The following BCKDHA variants were observed in gnomAD, a reference collection of about 807,000 sequenced individuals.
BCKDHA encodes branched chain keto acid dehydrogenase E1 subunit alpha, also known as 2-oxoisovalerate dehydrogenase subunit alpha, mitochondrial.
A neutral mutation model predicts 52.2 loss-of-function variants in BCKDHA; 43 were observed. The ratio of observed to expected loss-of-function variants is 0.82; its 90% confidence interval spans 0.64 to 1.06. The LOEUF is 1.06. BCKDHA is among the 50% of genes least tolerant of loss of function. The probability of loss-of-function intolerance (pLI) is 0.00; values close to 1 mark genes in which losing one functional copy is unlikely to be tolerated. For missense variants in BCKDHA, 527 were observed against 621.3 expected (o/e 0.85, Z 1.61); for synonymous variants, 234 against 247.9 (o/e 0.94, Z 0.53).
At chr19:41,405,949 C>G (rs568549285) in intron 1 of BCKDHA, among the ~76,000 whole-genome samples, 1 of 152,140 alleles carries the variant, frequency 6.6e-6, no homozygotes, top group African/African-American at 2.4e-5. Context: ...CACTGGCCAC[C>G]GGGACAGACT....
At chr19:41,398,056 G>T (rs1599945435) in intron 1 of BCKDHA, 121 bp downstream of exon 1, 1 of 800,024 alleles carries the variant, frequency 1.2e-6, no homozygotes, top group East Asian at 2.7e-5. Flanking sequence ...AAAAAGAGTG[G>T]GAGACTCCTT....
chr19:41,404,805 C>T lies in BCKDHA; in HGVS notation c.109-5832C>T, dbSNP rs1198558219. ...GATGGGGTTTCACCATCGTGATCAG[C>T]CTGACAGGCTGGTCATGAACTCCTG... On this transcript the variant is annotated intron_variant, in intron 1 of 8. Transcript: ENST00000269980. 2.6e-5 allele frequency among the ~76,000 whole-genome samples: 4 copies of T among 152,084 alleles called. No individual in the cohort carries two copies. In the East Asian group the frequency reaches 5.8e-4, roughly 22 times the overall value.
rs950174865 is a variant in BCKDHA at position 41,402,809 on chromosome 19, T to A, written c.108+4874T>A. Among the ~76,000 whole-genome samples, 11 of 152,166 alleles carry A rather than the reference T, an allele frequency of 7.2e-5. 1 individual carries two copies. Among genetic ancestry groups the A allele is most frequent in the Admixed American group, 7.2e-4 (11 of 15,276 alleles). ...GTGTGTGCCACCGTGTCCGGCTAAT[T>A]TTTATATTTTTAATAGAGACAGGGT... is the stretch of plus-strand genomic sequence containing the variant. On this transcript the variant is annotated intron_variant, in intron 1 of 8. Coordinates refer to ENST00000269980, the MANE Select transcript of BCKDHA (RefSeq NM_000709.4).
At chr19:41,420,184 C>T (rs2039349260) in intron 5 of BCKDHA, among the ~76,000 whole-genome samples, 1 of 152,190 alleles carries the variant, frequency 6.6e-6, no homozygotes, top group Non-Finnish European at 1.5e-5. Context: ...GATTTCCCAA[C>T]CACATGCCTA....
chr19:41,408,018 C>T (rs527563640), intron 1 of BCKDHA, among the ~76,000 whole-genome samples: 1 of 149,256 alleles, frequency 6.7e-6, no homozygotes, highest in Admixed American at 6.8e-5. Context: ...TGCAGTGGCA[C>T]AGTCTCAGCT....
chr19:41,411,113 G>GA lies in BCKDHA; in HGVS notation c.375+104_375+105insA, dbSNP rs1599953468. Reference sequence around the variant, plus strand: ...TCCCAAGGAGGACAGATTCTTTTTTGGGGGGGTTCCATAGAGTTCTGAGGG... The same window carrying GA: ...TCCCAAGGAGGACAGATTCTTTTTTGAGGGGGGTTCCATAGAGTTCTGAGGG... On this transcript the variant is annotated intron_variant, in intron 3 of 8. Coordinates refer to ENST00000269980, the MANE Select transcript of BCKDHA (RefSeq NM_000709.4). 6 of 1,297,346 alleles carry GA rather than the reference G, an allele frequency of 4.6e-6. No homozygotes were observed. The East Asian group carries it at 1.4e-4, about 30-fold the overall frequency. The allele number at this position is 1,297,346 out of a possible 1,614,324, so 80.4% of individuals were successfully genotyped here.
Position 41,424,464 on chromosome 19 carries a change from G to A in BCKDHA, c.1194G>A (p.Glu398=). The A allele has an allele frequency of 6.2e-7, 1 of 1,614,164 alleles. No individual in the cohort carries two copies. The highest frequency in any genetic ancestry group is 8.5e-7 in the Non-Finnish European group (1 of 1,180,042). The change falls in exon 9 of 9, where the codon GAG becomes GAA. Residue 398 remains glutamate, a synonymous_variant. Transcript: ENST00000269980. ...RKVMEAFEQA[E]RKPKPNPNLL... ...TGATGGAGGCCTTTGAGCAGGCCGAGCGGAAGCCCAAACCCAACCCCAACC... is the reference window on the plus strand; with the variant it reads ...TGATGGAGGCCTTTGAGCAGGCCGAACGGAAGCCCAAACCCAACCCCAACC...
At position 41,422,745 on chromosome 19, in the gene BCKDHA, T is replaced by G; in HGVS notation, c.970T>G (p.Phe324Val). 2 of 1,613,744 alleles carry G rather than the reference T, an allele frequency of 1.2e-6. No individual in the cohort carries two copies. The highest frequency in any genetic ancestry group is 8.5e-7 in the Non-Finnish European group (1 of 1,180,008). ...GCGGGCTGTGGCAGAGAACCAGCCCTTCCTCATCGAGGCCATGACCTACAG... is the reference window on the plus strand; with the variant it reads ...GCGGGCTGTGGCAGAGAACCAGCCCGTCCTCATCGAGGCCATGACCTACAG... ...RRRAVAENQPFLIEAMTYRIG... is the reference protein window; with the variant it reads ...RRRAVAENQPVLIEAMTYRIG... Residue 324 changes from phenylalanine (F) to valine (V), a missense_variant, in exon 7 of 9, where the codon TTC becomes GTC. Coordinates refer to ENST00000269980, the MANE Select transcript of BCKDHA (RefSeq NM_000709.4).
intron 1 of BCKDHA, among the ~76,000 whole-genome samples, chr19:41,401,960 C>T (rs2039143556): frequency 6.6e-6 from 1 of 152,180 alleles, no homozygotes; most frequent in Admixed American, 6.5e-5. Flanking sequence ...ACACCCAAGA[C>T]TGGGTAATTT....
rs10425437 is a variant in BCKDHA, at chr19:41,418,589, T to C, written c.485-546T>C. 2,394 of 346,500 alleles carry C rather than the reference T, an allele frequency of 6.9e-3. 54 individuals are homozygous for C. Among genetic ancestry groups the C allele is most frequent in the African/African-American group, 0.042 (1,920 of 45,608 alleles). The allele number at this position is 346,500 out of a possible 1,614,324, so 21.5% of individuals were successfully genotyped here. A position where few individuals can be genotyped will look rare whatever the true frequency, so the allele number is the denominator to read the frequency against. ...CTTTGTAGCCCAGATTGGAGTGCAGTGGCACGATCTCAGCTGCCTGCAGCC... is the reference window on the plus strand; with the variant it reads ...CTTTGTAGCCCAGATTGGAGTGCAGCGGCACGATCTCAGCTGCCTGCAGCC... On this transcript the variant is annotated intron_variant, in intron 4 of 8. Transcript: ENST00000269980.
At position 41,411,541 on chromosome 19, in the gene BCKDHA, C is replaced by T. The variant is rs2039253796; in HGVS notation, c.375+532C>T. On this transcript the variant is annotated intron_variant, in intron 3 of 8. Coordinates refer to ENST00000269980, the MANE Select transcript of BCKDHA (RefSeq NM_000709.4). ...TTCCAGGCAGGAAGTAGAGGGAAGG[C>T]GGAAGGCCAGACATGGCACATCCCA... is the stretch of plus-strand genomic sequence containing the variant. 3.9e-5 allele frequency among the ~76,000 whole-genome samples: 6 copies of T among 152,248 alleles called. No individual in the cohort carries two copies. The South Asian group carries it at 1.0e-3, about 26-fold the overall frequency.
At chr19:41,403,162 T>C (rs747727159) in intron 1 of BCKDHA, among the ~76,000 whole-genome samples, 7 of 152,228 alleles carry the variant, frequency 4.6e-5, no homozygotes, top group Non-Finnish European at 7.3e-5. Context: ...TCTGCACGCC[T>C]TTCCCTTCTC....
chr19:41,398,170 C>T (rs2039097536), intron 1 of BCKDHA, among the ~76,000 whole-genome samples: 1 of 152,156 alleles, frequency 6.6e-6, no homozygotes, highest in Non-Finnish European at 1.5e-5. Context: ...TTTGTGGGCC[C>T]TGAGGGAGAC....
chr19:41,420,402 G>A (rs542350026), intron 5 of BCKDHA, among the ~76,000 whole-genome samples: 2 of 152,162 alleles, frequency 1.3e-5, no homozygotes, highest in Non-Finnish European at 1.5e-5. Context: ...AAAAGTGCAG[G>A]AGCCTGGCCA....
chr19:41,419,474 C>T (rs1417618716), intron 5 of BCKDHA, among the ~76,000 whole-genome samples, 178 bp downstream of exon 5: 1 of 152,188 alleles, frequency 6.6e-6, no homozygotes, highest in Non-Finnish European at 1.5e-5. Context: ...CGGAGTCTTG[C>T]ACTGTTGCCC....
At chr19:41,416,361 AT>A (rs1293076585) in intron 4 of BCKDHA, among the ~76,000 whole-genome samples, 6 of 152,174 alleles carry the variant, frequency 3.9e-5, no homozygotes, top group Non-Finnish European at 7.4e-5. Flanking sequence ...GTGTTGCCTC[AT>A]TGAGGCACCT....
chr19:41,412,915 G>C (rs1285000449), intron 3 of BCKDHA, among the ~76,000 whole-genome samples: 1 of 150,864 alleles, frequency 6.6e-6, no homozygotes, highest in Non-Finnish European at 1.5e-5. Context: ...CATTGGCCAG[G>C]CTAGTCTGGA....
At chr19:41,405,546 T>C (rs1461930549) in intron 1 of BCKDHA, among the ~76,000 whole-genome samples, 1 of 152,152 alleles carries the variant, frequency 6.6e-6, no homozygotes, top group Admixed American at 6.6e-5. Flanking sequence ...CCCAAAGTGC[T>C]GGTATTACAA....
At chr19:41,401,124 T>G (rs767554709) in intron 1 of BCKDHA, among the ~76,000 whole-genome samples, 1 of 152,028 alleles carries the variant, frequency 6.6e-6, no homozygotes, top group Non-Finnish European at 1.5e-5. Context: ...TTGCCTAGGC[T>G]GGAGTGCAAT....
Sources: allele counts gnomAD v4.1 joint callset (sites outside exome capture counted in the v4.1 genomes callset), GRCh38; gene constraint gnomAD v4.1.1; transcripts MANE v1.5; gene names NCBI Gene and HGNC (gene_info 2026-07-23, HGNC 2026-07-21).